The following RAPGEF4 variants were observed in gnomAD, a reference collection of about 807,000 sequenced individuals.
RAPGEF4 encodes the protein RAP guanine-nucleotide-exchange factor (GEF) 4.
In RAPGEF4, 66 loss-of-function variants were observed where a neutral mutation model predicts 147.9. That is an observed-to-expected ratio of 0.45 (90% CI 0.37 to 0.55). The LOEUF (loss-of-function observed/expected upper bound fraction) is 0.55, where lower values mean the gene tolerates loss of function less well. RAPGEF4 is among the 20% of genes least tolerant of loss of function. The pLI is 0.00. For synonymous variants in RAPGEF4, 419 were observed against 442.7 expected (o/e 0.95, Z 0.67); for missense variants, 1,071 against 1,257.3 (o/e 0.85, Z 2.24).
rs139151069 is a variant in RAPGEF4, at chr2:173,026,929, A to G, written c.2380-152A>G. The G allele has an allele frequency of 3.2e-3, 2,631 of 827,424 alleles. 9 individuals carry two copies. Among genetic ancestry groups the G allele is most frequent in the Non-Finnish European group, 3.9e-3 (2,182 of 558,086 alleles). The allele number at this position is 827,424 out of a possible 1,614,324, so 51.3% of individuals were successfully genotyped here. ...ATTAAGCCAGTAAAACCTAGTTTAT[A>G]TTTATATATTTAACAAACCTCATGG... On this transcript the variant is annotated intron_variant, in intron 24 of 30. Transcript: ENST00000397081.
intron 1 of RAPGEF4, among the ~76,000 whole-genome samples, chr2:172,792,838 C>CA (rs1685961196): frequency 1.3e-5 from 2 of 152,184 alleles, no homozygotes; most frequent in Non-Finnish European, 2.9e-5. Context: ...TGATAATGTA[C>CA]CTGCCACTTA....
At chr2:172,961,325 C>G (rs878960829) in intron 8 of RAPGEF4, 97 bp downstream of exon 8, 2 of 993,252 alleles carry the variant, frequency 2.0e-6, no homozygotes, top group South Asian at 3.0e-5. Context: ...GTGGGCGCAG[C>G]CCATTTTGTA....
intron 4 of RAPGEF4, among the ~76,000 whole-genome samples, chr2:172,848,028 G>A (rs1198919769): frequency 1.3e-5 from 2 of 152,208 alleles, no homozygotes; most frequent in African/African-American, 4.8e-5. Context: ...CTCTGGGGCG[G>A]GCAGTAGCTT....
chr2:172,879,726 T>C (rs572478916), intron 4 of RAPGEF4, among the ~76,000 whole-genome samples: 1 of 152,198 alleles, frequency 6.6e-6, no homozygotes, highest in Admixed American at 6.5e-5. Context: ...CACTTGAACC[T>C]AGAAGGTCAA....
Position 172,852,879 on chromosome 2 carries a change from CAT to C in RAPGEF4, c.444+38455_444+38456del, listed in dbSNP as rs1049535310. 8.5e-5 allele frequency among the ~76,000 whole-genome samples: 13 copies of C among 152,082 alleles called. 1 individual carries two copies. The highest frequency in any genetic ancestry group is 3.1e-4 in the African/African-American group (13 of 41,532). On this transcript the variant is annotated intron_variant, in intron 4 of 30. Coordinates refer to ENST00000397081, the MANE Select transcript of RAPGEF4 (RefSeq NM_007023.4). Reference sequence around the variant, plus strand: ...TTTCTGAACATATTAGTAAGAGCCACATGTTTGTTCTCTTTTATTCTAGTGAT... The same window carrying C: ...TTTCTGAACATATTAGTAAGAGCCACGTTTGTTCTCTTTTATTCTAGTGAT...
chr2:172,881,547 C>T (rs953830666), intron 4 of RAPGEF4, among the ~76,000 whole-genome samples: 7 of 152,174 alleles, frequency 4.6e-5, no homozygotes, highest in African/African-American at 1.7e-4. Flanking sequence ...AGCACTTCCT[C>T]GGATAGAAGG....
chr2:172,804,954 C>T (rs923846881), intron 3 of RAPGEF4, among the ~76,000 whole-genome samples: 6 of 152,174 alleles, frequency 3.9e-5, no homozygotes, highest in African/African-American at 1.2e-4. Flanking sequence ...AGCCCACCCA[C>T]CAGAATGGCC....
chr2:172,989,796 C>G (rs913212828), intron 14 of RAPGEF4, among the ~76,000 whole-genome samples: 6 of 152,164 alleles, frequency 3.9e-5, no homozygotes, highest in Admixed American at 3.3e-4. Context: ...AGAGCAGGGT[C>G]CCTTCTGTCC....
In RAPGEF4 at chr2:172,797,592, A is replaced by G. The variant is rs1383359758; in HGVS notation, c.276A>G (p.Val92=). Residue 92 remains valine, a synonymous_variant, in exon 3 of 31, where the codon GTA becomes GTG. Coordinates refer to ENST00000397081, the MANE Select transcript of RAPGEF4 (RefSeq NM_007023.4). ...TGGCAGGGTCTTTGGATGTTAAAGT[A>G]TCTGAGACCAGCAGTCACCAGGTAA... is the stretch of plus-strand genomic sequence containing the variant. ...AVLAGSLDVK[V]SETSSHQDAV... is the part of the protein sequence containing the mutation. 9 of 1,613,504 alleles carry G rather than the reference A, an allele frequency of 5.6e-6. No homozygotes were observed. In the Admixed American group the frequency reaches 8.3e-5, roughly 15 times the overall value.
At chr2:172,972,167 C>G (rs1269478566) in intron 10 of RAPGEF4, among the ~76,000 whole-genome samples, 1 of 152,190 alleles carries the variant, frequency 6.6e-6, no homozygotes, top group Non-Finnish European at 1.5e-5. Flanking sequence ...TGGGTGGAGA[C>G]TACCCTGCTG....
chr2:172,876,636 C>CT, intron 4 of RAPGEF4, among the ~76,000 whole-genome samples: 1 of 152,140 alleles, frequency 6.6e-6, no homozygotes. Context: ...TGATGTGCTG[C>CT]TGGATTCGGT....
intron 4 of RAPGEF4, among the ~76,000 whole-genome samples, chr2:172,908,906 C>A (rs1699856838): frequency 6.6e-6 from 1 of 152,130 alleles, no homozygotes; most frequent in South Asian, 2.1e-4. Flanking sequence ...GCCAAGCCGG[C>A]CAAGTGCTTC....
intron 25 of RAPGEF4, among the ~76,000 whole-genome samples, chr2:173,028,604 G>GTAA (rs1468558519): frequency 6.6e-6 from 1 of 151,906 alleles, no homozygotes; most frequent in Non-Finnish European, 1.5e-5. Context: ...CTTCTGTTTA[G>GTAA]GTGAATGAGT....
At chr2:172,919,932 T>C (rs922687398) in intron 5 of RAPGEF4, among the ~76,000 whole-genome samples, 5 of 152,064 alleles carry the variant, frequency 3.3e-5, no homozygotes, top group Non-Finnish European at 7.3e-5. Context: ...ATGTTCACAG[T>C]CTTCCTTTCA....
At chr2:172,823,659 G>A (rs1689343091) in intron 4 of RAPGEF4, among the ~76,000 whole-genome samples, 2 of 152,282 alleles carry the variant, frequency 1.3e-5, no homozygotes, top group Admixed American at 6.5e-5. Context: ...CAGTTACTGG[G>A]GCAGAGGGTC....
intron 22 of RAPGEF4, among the ~76,000 whole-genome samples, chr2:173,019,623 G>GA (rs1695856706): frequency 1.3e-5 from 2 of 151,856 alleles, no homozygotes; most frequent in Non-Finnish European, 2.9e-5. Flanking sequence ...GTTTTAAGGT[G>GA]AATGATTCCA....
At chr2:173,028,941 A>G (rs1696920424) in intron 25 of RAPGEF4, among the ~76,000 whole-genome samples, 1 of 152,228 alleles carries the variant, frequency 6.6e-6, no homozygotes, top group East Asian at 1.9e-4. Flanking sequence ...ACATAGGGTA[A>G]TAAAGTTAGC....
intron 10 of RAPGEF4, among the ~76,000 whole-genome samples, chr2:172,974,024 T>C (rs1690798723): frequency 6.6e-6 from 1 of 152,206 alleles, no homozygotes; most frequent in African/African-American, 2.4e-5. Context: ...TCACAATAGA[T>C]TGGAAATGAA....
At chr2:173,020,259 G>T (rs1252138099) in intron 22 of RAPGEF4, among the ~76,000 whole-genome samples, 1 of 152,148 alleles carries the variant, frequency 6.6e-6, no homozygotes, top group Non-Finnish European at 1.5e-5. Context: ...TTTAAAAAGT[G>T]ATCTTTCTAT....
Sources: allele counts gnomAD v4.1 joint callset (sites outside exome capture counted in the v4.1 genomes callset), GRCh38; gene constraint gnomAD v4.1.1; transcripts MANE v1.5; gene names NCBI Gene and HGNC (gene_info 2026-07-23, HGNC 2026-07-21).